ASPSCR1: variants seen among roughly 807,000 people sequenced by gnomAD.
The protein encoded by ASPSCR1 is ASPSCR1 tether for SLC2A4, UBX domain containing, also known as tether containing UBX domain for GLUT4.
ASPSCR1 carries 55 observed loss-of-function variants against 68.9 expected under a neutral mutation model. The observed-to-expected ratio is 0.80, with a 90% CI of 0.64 to 1.00. ASPSCR1 has a LOEUF of 1.00. Ranked by LOEUF, ASPSCR1 falls within the 50% of genes least tolerant of loss-of-function variation. The pLI, the probability that ASPSCR1 is intolerant of heterozygous loss-of-function variation, is 0.00. For synonymous variants in ASPSCR1, 352 were observed against 332.6 expected (o/e 1.06, Z -0.63); for missense variants, 765 against 762.2 (o/e 1.00, Z -0.04).
chr17:82,005,165 G>GA (rs1457205864), intron 7 of ASPSCR1: 3 of 152,454 alleles, frequency 2.0e-5, no homozygotes, highest in African/African-American at 7.2e-5. Context: ...GAGTGTTCCG[G>GA]AAATATTGCT....
chr17:82,009,787 C>T (rs1436965001), intron 9 of ASPSCR1: 1 of 456,012 alleles, frequency 2.2e-6, no homozygotes, highest in East Asian at 4.0e-5. Flanking sequence ...CTGAGGGGGC[C>T]CCCTGTGAGG....
At chr17:82,016,900 C>G (rs777141234) in intron 14 of ASPSCR1, 31 bp downstream of exon 14, 1 of 1,612,198 alleles carries the variant, frequency 6.2e-7, no homozygotes. Context: ...GGGCACCTCC[C>G]GTGGCGGCAC....
chr17:82,016,572 G>A lies in ASPSCR1; in HGVS notation c.1405+45G>A. The A allele has an allele frequency of 1.9e-6, 3 of 1,548,384 alleles. No homozygotes were observed. In the South Asian group the frequency reaches 3.6e-5, roughly 18 times the overall value. On this transcript the variant is annotated intron_variant, in intron 13 of 15. Coordinates refer to ENST00000306739, the MANE Select transcript of ASPSCR1 (RefSeq NM_024083.4). The stretch of plus-strand genomic sequence containing the variant: ...GCCAGTGTCGGAGTCCAGCCAGCCT[G>A]TCCCTGGACCTCAGAGCCAGCTGCC...
At chr17:82,008,111 C>T (rs1232674366) in intron 7 of ASPSCR1, 1 of 152,498 alleles carries the variant, frequency 6.6e-6, no homozygotes, top group Admixed American at 6.5e-5. Flanking sequence ...GAGGGCAGCC[C>T]TGGAGACACC....
chr17:81,997,296 G>A (rs974892627), intron 7 of ASPSCR1, among the ~76,000 whole-genome samples: 3 of 152,100 alleles, frequency 2.0e-5, no homozygotes, highest in African/African-American at 7.2e-5. Context: ...CTACATGCAC[G>A]TTAAGGGGTG....
intron 7 of ASPSCR1, among the ~76,000 whole-genome samples, chr17:81,998,663 T>A (rs958995950): frequency 2.0e-5 from 3 of 152,274 alleles, no homozygotes; most frequent in African/African-American, 7.2e-5. Context: ...GTATGCTTTA[T>A]TTTATTGGCT....
intron 7 of ASPSCR1, among the ~76,000 whole-genome samples, chr17:82,000,466 C>T (rs866612518): frequency 6.6e-6 from 1 of 152,180 alleles, no homozygotes; most frequent in Non-Finnish European, 1.5e-5. Flanking sequence ...GCCAGCCGCA[C>T]ACGCAGAGGG....
Position 82,017,314 on chromosome 17 carries a change from A to C in ASPSCR1, c.1654A>C (p.Lys552Gln). The change falls in exon 16 of 16, where the codon AAG (lysine) becomes CAG (glutamine). Residue 552 changes from lysine to glutamine, a missense_variant. Coordinates refer to ENST00000306739, the MANE Select transcript of ASPSCR1 (RefSeq NM_024083.4). The stretch of plus-strand genomic sequence containing the variant: ...CTGATGTGTCTGCACTACAGCCAGC[A>C]AGAGGTGAGAGCTGCCAGCCTGAGG... ...VPKWLKLPAS[K>Q]R The C allele has an allele frequency of 1.2e-6, 2 of 1,611,502 alleles. No individual in the cohort carries two copies.
chr17:81,996,212 T>C, intron 6 of ASPSCR1, 147 bp downstream of exon 6: 1 of 1,332,486 alleles, frequency 7.5e-7, no homozygotes, highest in Middle Eastern at 2.1e-4. Context: ...TCTGCCTGCC[T>C]GTGGGCGTGG....
rs898089710 is a variant in ASPSCR1, at chr17:81,990,740, C to T, written c.375-4081C>T. On this transcript the variant is annotated intron_variant, in intron 4 of 15. Coordinates refer to ENST00000306739, the MANE Select transcript of ASPSCR1 (RefSeq NM_024083.4). The surrounding 1 kb of genome is among the most constrained non-coding windows in gnomAD (Gnocchi z 4.1). ...GGTACACGGCCCTCCTGGAGGCACC[C>T]GGAGGAGGAAAGGGAGTACCTTTCT... 1.3e-5 allele frequency among the ~76,000 whole-genome samples: 2 copies of T among 152,106 alleles called. No individual in the cohort carries two copies. The highest frequency in any genetic ancestry group is 2.4e-5 in the African/African-American group (1 of 41,402).
chr17:81,987,473 C>T lies in ASPSCR1; in HGVS notation c.374+1866C>T, dbSNP rs577629311. On this transcript the variant is annotated intron_variant, in intron 4 of 15. Coordinates refer to ENST00000306739, the MANE Select transcript of ASPSCR1 (RefSeq NM_024083.4). This position sits in a 1 kb window ranked among gnomAD's most constrained non-coding sequence, Gnocchi z 5.6. ...GGTGCCCCCGGGCGTGAACAGAATC[C>T]AGTGCTCCCACAGGCACAGGTGCTT... Among the ~76,000 whole-genome samples, 3 of 152,298 alleles carry T rather than the reference C, an allele frequency of 2.0e-5. No individual in the cohort carries two copies. The highest frequency in any genetic ancestry group is 1.9e-4 in the East Asian group (1 of 5,172).
At position 81,983,802 on chromosome 17, in the gene ASPSCR1, G is replaced by A; in HGVS notation, c.273+134G>A. 1 of 704,802 alleles carries A rather than the reference G, an allele frequency of 1.4e-6. No individual in the cohort carries two copies. Among genetic ancestry groups the A allele is most frequent in the East Asian group, 2.8e-5 (1 of 35,794 alleles). The allele number at this position is 704,802 out of a possible 1,614,324, so 43.7% of individuals were successfully genotyped here. Reference sequence around the variant, plus strand: ...CTTAGCACCAGTTCTGCCTTCCCTGGGTTGGGCCCAAACAGCTTCCTGTTT... The same window carrying A: ...CTTAGCACCAGTTCTGCCTTCCCTGAGTTGGGCCCAAACAGCTTCCTGTTT... On this transcript the variant is annotated intron_variant, in intron 3 of 15. Transcript: ENST00000306739. This position sits in a 1 kb window ranked among gnomAD's most constrained non-coding sequence, Gnocchi z 4.4.
chr17:81,996,773 C>T lies in ASPSCR1; in HGVS notation c.860C>T (p.Ser287Leu), dbSNP rs780601115. 3.5e-5 allele frequency: 57 copies of T among 1,612,114 alleles called. No individual in the cohort carries two copies. The highest frequency in any genetic ancestry group is 1.8e-4 in the Admixed American group (11 of 59,532). The change falls in exon 7 of 16, where the codon TCG becomes TTG. Residue 287 changes from serine to leucine, a missense_variant. Physicochemically the swap from Ser to Leu is moderately radical, Grantham distance 145 (BLOSUM62 -2). Coordinates refer to ENST00000306739, the MANE Select transcript of ASPSCR1 (RefSeq NM_024083.4). ...CCCTCCAAGCCAAAGAAGTCCAAGT[C>T]GGGCCAGGATCCCCAGCAGGAGCAG... ...GGPSKPKKSK[S>L]GQDPQQEQEQ...
At chr17:81,998,548 CT>C (rs1318237970) in intron 7 of ASPSCR1, among the ~76,000 whole-genome samples, 1 of 152,072 alleles carries the variant, frequency 6.6e-6, no homozygotes, top group Non-Finnish European at 1.5e-5. Context: ...TATAAAAAGC[CT>C]TTATCAAGCA....
chr17:81,995,395 T>C, intron 5 of ASPSCR1: 1 of 221,688 alleles, frequency 4.5e-6, no homozygotes, highest in Non-Finnish European at 8.9e-6. Context: ...CAGGTCTACG[T>C]CCTCCCTTGA....
At chr17:81,981,311 T>C (rs1485318537) in intron 2 of ASPSCR1, among the ~76,000 whole-genome samples, 9 of 152,168 alleles carry the variant, frequency 5.9e-5, no homozygotes, top group Non-Finnish European at 1.2e-4. Flanking sequence ...GTTTCTGGGG[T>C]CCCCTGGGCC....
At chr17:82,006,211 GGTGT>G (rs55690610) in intron 7 of ASPSCR1, 45 of 146,680 alleles carry the variant, frequency 3.1e-4, no homozygotes, top group African/African-American at 4.6e-4. Flanking sequence ...CATGTGCACA[GGTGT>G]GTGTGTGTGT....
At position 82,009,150 on chromosome 17, in the gene ASPSCR1, G is replaced by A. The variant is rs200865502; in HGVS notation, c.1047G>A (p.Val349=). The A allele has an allele frequency of 1.1e-4, 176 of 1,610,768 alleles. 2 individuals are homozygous for A. Among genetic ancestry groups the A allele is most frequent in the Middle Eastern group, 5.0e-4 (3 of 6,052 alleles). The part of the protein sequence containing the change: ...ELPDEFFELT[V]DDVRRRLAQL... ...CTGATGAGTTCTTTGAGCTGACGGT[G>A]GACGACGTGAGAAGACGCTTGGCCC... The change falls in exon 8 of 16, where the codon GTG becomes GTA. Residue 349 remains valine (V), a synonymous_variant. Coordinates refer to ENST00000306739, the MANE Select transcript of ASPSCR1 (RefSeq NM_024083.4).
rs2041845132 is a variant in ASPSCR1 at position 81,983,046 on chromosome 17, G to C, written c.159-508G>C. On this transcript the variant is annotated intron_variant, in intron 2 of 15. Transcript: ENST00000306739. The surrounding 1 kb of genome is among the most constrained non-coding windows in gnomAD (Gnocchi z 4.4). Reference sequence around the variant, plus strand: ...TTCAGTAGAGACGGGGTTTCACCATGTTGGTCAGGCTTGTCTCAAACTCCT... The same window carrying C: ...TTCAGTAGAGACGGGGTTTCACCATCTTGGTCAGGCTTGTCTCAAACTCCT... 6.6e-6 allele frequency among the ~76,000 whole-genome samples: 1 copy of C among 152,196 alleles called. No individual in the cohort carries two copies. Among genetic ancestry groups the C allele is most frequent in the Non-Finnish European group, 1.5e-5 (1 of 68,026 alleles).
Sources: gnomAD v4.1 joint callset for allele counts (sites outside exome capture counted in the v4.1 genomes callset) on GRCh38, gnomAD v4.1.1 for gene constraint, Gnocchi (gnomAD v3.1) non-coding constraint, MANE v1.5 for transcripts, NCBI Gene and HGNC (gene_info 2026-07-23, HGNC 2026-07-21) for gene names.